The following COL4A1 variants were observed in gnomAD, a reference collection of about 807,000 sequenced individuals.
The protein encoded by COL4A1 is collagen alpha-1(IV) chain.
A neutral mutation model predicts 216.6 loss-of-function variants in COL4A1; 40 were observed. The ratio of observed to expected loss-of-function variants is 0.18; its 90% CI spans 0.14 to 0.24. COL4A1 has a LOEUF of 0.24. COL4A1 is among the 10% of genes least tolerant of loss of function. The pLI is 1.00. For missense variants in COL4A1, 1,628 were observed against 2,196.8 expected (o/e 0.74, Z 5.18); for synonymous variants, 839 against 810.7 (o/e 1.03, Z -0.59).
In COL4A1 at chr13:110,242,747, G is replaced by T; in HGVS notation, c.85-13C>A. On this transcript the variant is annotated splice_polypyrimidine_tract_variant and intron_variant, in intron 1 of 51. Coordinates refer to ENST00000375820, the MANE Select transcript of COL4A1 (RefSeq NM_001845.6). ...CAGCACAGCCACCCTGGAAGGAAAA[G>T]AAAACTTCTTTAAATAGAAGAACAC... The T allele has an allele frequency of 6.2e-7, 1 of 1,614,062 alleles. No individual in the cohort carries two copies.
intron 50 of COL4A1, among the ~76,000 whole-genome samples, chr13:110,152,921 T>G (rs1876576655): frequency 6.6e-6 from 1 of 152,280 alleles, no homozygotes; most frequent in South Asian, 2.1e-4. Context: ...TTCCTGTATT[T>G]GCTATATTAG....
At chr13:110,260,545 G>A (rs1009716354) in intron 1 of COL4A1, among the ~76,000 whole-genome samples, 1 of 152,166 alleles carries the variant, frequency 6.6e-6, no homozygotes, top group Non-Finnish European at 1.5e-5. Flanking sequence ...CCACGGCAAG[G>A]GTGGTACAAA....
At chr13:110,186,904 C>A (rs1344172127) in intron 25 of COL4A1, among the ~76,000 whole-genome samples, 1 of 152,204 alleles carries the variant, frequency 6.6e-6, no homozygotes, top group Non-Finnish European at 1.5e-5. Flanking sequence ...TCAGTTCCCC[C>A]AAATGCATCA....
At chr13:110,206,617 ATGGAAGGAGAAT>A (rs771590199) in intron 15 of COL4A1, 36 bp downstream of exon 15, 1 of 1,597,722 alleles carries the variant, frequency 6.3e-7, no homozygotes, top group Non-Finnish European at 8.6e-7. Context: ...GATTTTCCGC[ATGGAAGGAGAAT>A]TGTTTTATGA....
chr13:110,302,717 C>T (rs12875702), intron 1 of COL4A1, among the ~76,000 whole-genome samples: 28,355 of 152,188 alleles, frequency 0.19, 2,802 homozygotes, highest in East Asian at 0.28. Flanking sequence ...TTAAAACATG[C>T]TCTGGTTGAC....
intron 51 of COL4A1, among the ~76,000 whole-genome samples, chr13:110,150,690 C>G (rs1026121415): frequency 5.9e-5 from 9 of 152,250 alleles, no homozygotes; most frequent in African/African-American, 2.2e-4. Context: ...GCCCACAGCC[C>G]CATAGGGCAC....
At chr13:110,192,145 G>A (rs1878656862) in intron 24 of COL4A1, 69 bp downstream of exon 24, 1 of 1,521,970 alleles carries the variant, frequency 6.6e-7, no homozygotes, top group Non-Finnish European at 9.1e-7. Context: ...AATGCAAAAC[G>A]ACACAACTCT....
chr13:110,228,815 T>A (rs1376058804), intron 2 of COL4A1, among the ~76,000 whole-genome samples: 1 of 152,220 alleles, frequency 6.6e-6, no homozygotes, highest in Non-Finnish European at 1.5e-5. Context: ...CTTCAAGTAC[T>A]AGCGTCCACT....
chr13:110,197,368 C>T (rs1381782079), intron 21 of COL4A1, among the ~76,000 whole-genome samples: 1 of 152,108 alleles, frequency 6.6e-6, no homozygotes, highest in Non-Finnish European at 1.5e-5. Context: ...GTCTTGTCAC[C>T]ACTGCTAGAT....
chr13:110,155,194 C>G (rs1244977024), intron 50 of COL4A1, 89 bp downstream of exon 50: 6 of 928,424 alleles, frequency 6.5e-6, no homozygotes, highest in Middle Eastern at 4.2e-4. Flanking sequence ...ATGCAGAGAA[C>G]TCCAAGGTGT....
At chr13:110,302,802 G>A (rs1157206640) in intron 1 of COL4A1, among the ~76,000 whole-genome samples, 2 of 152,116 alleles carry the variant, frequency 1.3e-5, no homozygotes, top group South Asian at 2.1e-4. Flanking sequence ...ATTTTTTCAT[G>A]GTTGCTTAAT....
chr13:110,182,904 C>G, intron 28 of COL4A1, 89 bp downstream of exon 28: 1 of 1,262,958 alleles, frequency 7.9e-7, no homozygotes, highest in Non-Finnish European at 1.1e-6. Flanking sequence ...CGGTCACCAG[C>G]TTCTGTGGTG....
At chr13:110,210,731 A>G (rs895081246) in intron 8 of COL4A1, among the ~76,000 whole-genome samples, 13 of 152,212 alleles carry the variant, frequency 8.5e-5, no homozygotes, top group African/African-American at 3.1e-4. Flanking sequence ...TTAAATCAGT[A>G]GACTCTGAAT....
intron 4 of COL4A1, 115 bp from the exon 5 acceptor site, chr13:110,212,733 CA>C: frequency 8.2e-7 from 1 of 1,214,020 alleles, no homozygotes; most frequent in Non-Finnish European, 1.2e-6. Flanking sequence ...AGAACACACA[CA>C]AAGCAGACAG....
chr13:110,286,671 T>C (rs756996559), intron 1 of COL4A1, among the ~76,000 whole-genome samples: 4 of 152,164 alleles, frequency 2.6e-5, no homozygotes, highest in Non-Finnish European at 5.9e-5. Context: ...GCTGAAGCTG[T>C]ATTCCCAGAT....
Position 110,186,615 on chromosome 13 carries a change from G to T in COL4A1, c.1729-62C>A, listed in dbSNP as rs574344026. 54 of 1,585,640 alleles carry T rather than the reference G, an allele frequency of 3.4e-5. 1 individual carries two copies. Among genetic ancestry groups the T allele is most frequent in the Non-Finnish European group, 2.5e-5 (29 of 1,161,444 alleles). On this transcript the variant is annotated intron_variant, in intron 25 of 51. Transcript: ENST00000375820. ...GACACACCAACACCCTGTCCTTATC[G>T]CATTCTTCTGACATTTGTGGTCAAT...
chr13:110,205,462 C>A, intron 16 of COL4A1, 32 bp downstream of exon 16: 1 of 1,606,276 alleles, frequency 6.2e-7, no homozygotes, highest in South Asian at 1.1e-5. Flanking sequence ...GAACAGTGAG[C>A]CTGCTTGTAA....
intron 43 of COL4A1, among the ~76,000 whole-genome samples, chr13:110,168,089 G>A (rs957936584): frequency 6.6e-5 from 10 of 151,738 alleles, no homozygotes; most frequent in Non-Finnish European, 1.2e-4. Context: ...GCACCATCTC[G>A]GCTCACTTCA....
intron 18 of COL4A1, among the ~76,000 whole-genome samples, chr13:110,202,898 C>T (rs753623610): frequency 1.3e-5 from 2 of 152,158 alleles, no homozygotes; most frequent in Non-Finnish European, 2.9e-5. Context: ...AAATTTTCCT[C>T]AATGGACCAC....
Sources: allele counts gnomAD v4.1 joint callset (sites outside exome capture counted in the v4.1 genomes callset), GRCh38; gene constraint gnomAD v4.1.1; transcripts MANE v1.5; gene names NCBI Gene and HGNC (gene_info 2026-07-23, HGNC 2026-07-21).